SREK1: variants seen among roughly 807,000 people sequenced by gnomAD.
SREK1 encodes splicing regulatory glutamic acid and lysine rich protein 1.
SREK1 carries 13 observed loss-of-function variants against 66.5 expected under a neutral mutation model. The observed-to-expected ratio is 0.20, with a 90% confidence interval of 0.13 to 0.31. The LOEUF (loss-of-function observed/expected upper bound fraction) is 0.31. Among genes scored for constraint, SREK1 ranks in the 10% least tolerant of loss-of-function variants. The probability of loss-of-function intolerance (pLI) is 1.00; values close to 1 mark genes in which losing one functional copy is unlikely to be tolerated. For synonymous variants in SREK1, 265 were observed against 263.5 expected (o/e 1.01, Z -0.05); for missense variants, 607 against 769.6 (o/e 0.79, Z 2.50).
chr5:66,167,966 T>TACTCCTTA (rs1265828995), intron 7 of SREK1: 4 of 152,220 alleles, frequency 2.6e-5, no homozygotes, highest in African/African-American at 9.6e-5. Flanking sequence ...CCTTAACATC[T>TACTCCTTA]ACTCCTTAAC....
chr5:66,171,085 G>T (rs1745609312), intron 9 of SREK1, 138 bp downstream of exon 9: 5 of 1,072,012 alleles, frequency 4.7e-6, no homozygotes, highest in Non-Finnish European at 6.5e-6. Context: ...CCTAATTTCA[G>T]AGTAAACATT....
In SREK1 at chr5:66,181,340, C is replaced by G. The variant is rs1261269730; in HGVS notation, c.*2472C>G. On this transcript the variant is annotated 3_prime_UTR_variant, in exon 12 of 12. Transcript: ENST00000334121. ...TGCGCACGTGTGTATCTGTTTGAGA[C>G]ATACTTTCTCTGTTCACTTAAAAGA... is the stretch of plus-strand genomic sequence containing the variant. The G allele has an allele frequency of 6.6e-6, 1 of 152,144 alleles. No individual in the cohort carries two copies. Among genetic ancestry groups the G allele is most frequent in the African/African-American group, 2.4e-5 (1 of 41,440 alleles). 9.4% of individuals were successfully genotyped at this position (152,144 alleles called of 1,614,324 possible). A position where few individuals can be genotyped will look rare whatever the true frequency, so the allele number is the denominator to read the frequency against.
intron 1 of SREK1, among the ~76,000 whole-genome samples, chr5:66,152,581 A>G (rs889795918): frequency 2.6e-5 from 4 of 152,230 alleles, no homozygotes; most frequent in Non-Finnish European, 4.4e-5. Context: ...ATTAAGTCAT[A>G]TATTTTTCAA....
intron 9 of SREK1, among the ~76,000 whole-genome samples, chr5:66,173,778 A>C (rs1277623986): frequency 6.6e-6 from 1 of 152,216 alleles, no homozygotes; most frequent in Admixed American, 6.5e-5. Context: ...TGAAAAAAGT[A>C]TTTTTGGTTC....
At chr5:66,175,928 G>C (rs1421201809) in intron 10 of SREK1, among the ~76,000 whole-genome samples, 1 of 151,906 alleles carries the variant, frequency 6.6e-6, no homozygotes, top group Non-Finnish European at 1.5e-5. Context: ...ATTTTACAAA[G>C]GTTTTTCATT....
In SREK1 at chr5:66,171,342, G is replaced by A. The variant is rs146851156; in HGVS notation, c.1484+395G>A. Among the ~76,000 whole-genome samples the A allele has an allele frequency of 3.3e-3, 496 of 152,200 alleles. 4 individuals carry two copies. The highest frequency in any genetic ancestry group is 8.5e-3 in the African/African-American group (354 of 41,540). On this transcript the variant is annotated intron_variant, in intron 9 of 11. Transcript: ENST00000334121. ...AATGATTGCTGAAGTTGCAGTGTTA[G>A]CCCTCTTTGTCACCTAAGTTAATTT... is the stretch of plus-strand genomic sequence containing the variant.
rs1246033934 is a variant in SREK1, at chr5:66,181,350, C to T, written c.*2482C>T. 1 of 152,142 alleles carries T rather than the reference C, an allele frequency of 6.6e-6. No homozygotes were observed. The highest frequency in any genetic ancestry group is 6.6e-5 in the Admixed American group (1 of 15,264). The allele number at this position is 152,142 out of a possible 1,614,324, so 9.4% of individuals were successfully genotyped here. A position where few individuals can be genotyped will look rare whatever the true frequency, so the allele number is the denominator to read the frequency against. On this transcript the variant is annotated 3_prime_UTR_variant, in exon 12 of 12. Transcript: ENST00000334121. ...TGTATCTGTTTGAGACATACTTTCT[C>T]TGTTCACTTAAAAGAGCTCATGTTT...
intron 5 of SREK1, chr5:66,163,060 T>C (rs1396722058): frequency 6.6e-6 from 1 of 152,576 alleles, no homozygotes; most frequent in Non-Finnish European, 1.5e-5. Flanking sequence ...CATCCTTGTT[T>C]GTAAAACGTT....
intron 2 of SREK1, chr5:66,157,189 A>G: frequency 1.0e-6 from 1 of 965,262 alleles, no homozygotes; most frequent in Non-Finnish European, 1.2e-6. Context: ...AGTATACTAT[A>G]TTTATAGTAG....
intron 7 of SREK1, chr5:66,165,697 A>G (rs1031903829): frequency 6.6e-6 from 1 of 152,250 alleles, no homozygotes; most frequent in African/African-American, 2.4e-5. Context: ...AAGTATGTAT[A>G]GTGGATCCTA....
At chr5:66,171,871 C>A (rs1397275395) in intron 9 of SREK1, among the ~76,000 whole-genome samples, 1 of 152,094 alleles carries the variant, frequency 6.6e-6, no homozygotes, top group East Asian at 1.9e-4. Context: ...CTTATTTAAT[C>A]CTCACAACAG....
rs1468316479 is a variant in SREK1, at chr5:66,182,285, TTTC to T, written c.*3420_*3422del. On this transcript the variant is annotated 3_prime_UTR_variant, in exon 12 of 12. Coordinates refer to ENST00000334121, the MANE Select transcript of SREK1 (RefSeq NM_001077199.3). ...ACAAAGTAAATGTGCAGTGCCCATG[TTTC>T]TTGTGTTTAAATATTTTTTATTTTC... The T allele has an allele frequency of 6.6e-6, 1 of 152,112 alleles. No individual in the cohort carries two copies. The allele number at this position is 152,112 out of a possible 1,614,324, so 9.4% of individuals were successfully genotyped here.
intron 1 of SREK1, among the ~76,000 whole-genome samples, chr5:66,148,783 A>T (rs1743494071): frequency 6.6e-6 from 1 of 151,756 alleles, no homozygotes; most frequent in African/African-American, 2.4e-5. Flanking sequence ...ATAGATGCAT[A>T]CATTTAGACC....
intron 6 of SREK1, 94 bp from the exon 7 acceptor site, chr5:66,164,689 G>A: frequency 6.2e-7 from 1 of 1,607,288 alleles, no homozygotes; most frequent in African/African-American, 1.3e-5. Flanking sequence ...TAGGCCCCTT[G>A]CACTATATGT....
At chr5:66,145,142 C>G in intron 1 of SREK1, 1 of 985,522 alleles carries the variant, frequency 1.0e-6, no homozygotes, top group African/African-American at 1.7e-5. Context: ...ATTAAATTTT[C>G]CTCCTGAAAG....
rs1186297696 is a variant in SREK1 at position 66,179,911 on chromosome 5, T to A, written c.*1043T>A. ...AGCTTCTTACTGATTTCACCTAAAA[T>A]GAGAAGGAAGTCCTGTTTTCAAGAA... On this transcript the variant is annotated 3_prime_UTR_variant, in exon 12 of 12. Coordinates refer to ENST00000334121, the MANE Select transcript of SREK1 (RefSeq NM_001077199.3). 2 of 152,542 alleles carry A rather than the reference T, an allele frequency of 1.3e-5. No individual in the cohort carries two copies. Among genetic ancestry groups the A allele is most frequent in the Non-Finnish European group, 2.9e-5 (2 of 67,980 alleles). The allele number at this position is 152,542 out of a possible 1,614,324, so 9.4% of individuals were successfully genotyped here.
chr5:66,177,568 A>G lies in SREK1; in HGVS notation c.1635A>G (p.Arg545=), dbSNP rs143503905. The G allele has an allele frequency of 8.0e-4, 1,287 of 1,610,490 alleles. No homozygotes were observed. The highest frequency in any genetic ancestry group is 1.0e-3 in the Non-Finnish European group (1,226 of 1,177,836). ...REKERDHISE[R]RERERSTSMR... ...AAGAAAGGGACCACATCAGTGAAAG[A>G]AGAGAGAGAGAACGTTCAACGTCTA... Residue 545 remains arginine, a synonymous_variant, in exon 11 of 12, where the codon AGA becomes AGG. Transcript: ENST00000334121.
chr5:66,169,966 A>C lies in SREK1; in HGVS notation c.1002-85A>C, dbSNP rs1008692040. ...TAAGAGAAATTTTTAAAATATTGTT[A>C]AATACTGTTAGGATAGATTTTAAAT... On this transcript the variant is annotated intron_variant, in intron 7 of 11. Coordinates refer to ENST00000334121, the MANE Select transcript of SREK1 (RefSeq NM_001077199.3). 3.3e-5 allele frequency: 36 copies of C among 1,106,884 alleles called. No homozygotes were observed. The African/African-American group carries it at 5.6e-4, about 17-fold the overall frequency. The allele number at this position is 1,106,884 out of a possible 1,614,324, so 68.6% of individuals were successfully genotyped here.
intron 1 of SREK1, among the ~76,000 whole-genome samples, chr5:66,150,771 G>A (rs759568388): frequency 6.6e-6 from 1 of 152,140 alleles, no homozygotes; most frequent in Non-Finnish European, 1.5e-5. Context: ...AGGACAGAAA[G>A]GTCAAGGATA....
Sources: allele counts gnomAD v4.1 joint callset (sites outside exome capture counted in the v4.1 genomes callset), GRCh38; gene constraint gnomAD v4.1.1; transcripts MANE v1.5; gene names NCBI Gene and HGNC (gene_info 2026-07-23, HGNC 2026-07-21).